The following DNAH9 variants were observed in gnomAD, a reference collection of about 807,000 sequenced individuals.
DNAH9 encodes DNAH9 variant protein.
DNAH9 carries 345 observed loss-of-function variants against 471.6 expected under a neutral mutation model. The observed-to-expected ratio is 0.73, with a 90% confidence interval of 0.67 to 0.80. DNAH9 has a LOEUF of 0.80. DNAH9 is among the 30% of genes least tolerant of loss of function. The pLI is 0.00. For missense variants in DNAH9, 5,407 were observed against 5,609.2 expected (o/e 0.96, Z 1.15); for synonymous variants, 2,093 against 2,123.6 (o/e 0.99, Z 0.40).
chr17:11,903,009 A>G (rs1035242085), intron 60 of DNAH9, 97 bp downstream of exon 60: 2 of 1,340,084 alleles, frequency 1.5e-6, no homozygotes. Context: ...AGCCATGTGT[A>G]TATAGTAGTT....
intron 49 of DNAH9, among the ~76,000 whole-genome samples, chr17:11,847,328 T>A (rs1215486542): frequency 6.6e-6 from 1 of 152,222 alleles, no homozygotes; most frequent in African/African-American, 2.4e-5. Flanking sequence ...CTTCTTGGGT[T>A]TTTATAATTT....
intron 19 of DNAH9, among the ~76,000 whole-genome samples, chr17:11,681,481 C>A (rs1007899713): frequency 2.0e-5 from 3 of 152,142 alleles, no homozygotes; most frequent in Non-Finnish European, 4.4e-5. Context: ...CGTGGTGAAG[C>A]GGTCTGCTTC....
intron 56 of DNAH9, among the ~76,000 whole-genome samples, chr17:11,884,014 C>G (rs752355287): frequency 6.6e-5 from 10 of 152,134 alleles, no homozygotes; most frequent in Non-Finnish European, 1.2e-4. Context: ...AACACTTAAG[C>G]CTTTGTGGGG....
chr17:11,620,431 G>C (rs1441564396), intron 6 of DNAH9, among the ~76,000 whole-genome samples: 1 of 145,708 alleles, frequency 6.9e-6, no homozygotes, highest in African/African-American at 2.5e-5. Context: ...AGAATTTCTT[G>C]AACTCGGAAG....
At chr17:11,874,184 G>T (rs1022667154) in intron 52 of DNAH9, among the ~76,000 whole-genome samples, 4 of 150,038 alleles carry the variant, frequency 2.7e-5, no homozygotes, top group African/African-American at 7.4e-5. Flanking sequence ...GGTGGAGTTT[G>T]CATGGAGCTG....
At chr17:11,694,761 C>T (rs372748174) in intron 22 of DNAH9, among the ~76,000 whole-genome samples, 40 of 2,770 alleles carry the variant, frequency 0.014, 9 homozygotes, top group Non-Finnish European at 0.021. Context: ...TCCTTCCTTC[C>T]TTCCTTCCTT....
At chr17:11,612,164 G>T in intron 4 of DNAH9, 1 of 495,134 alleles carries the variant, frequency 2.0e-6, no homozygotes, top group South Asian at 2.3e-5. Context: ...CTGGGGCCAG[G>T]ACATACAGTT....
chr17:11,754,799 C>G (rs1967305615), intron 33 of DNAH9, among the ~76,000 whole-genome samples: 1 of 152,068 alleles, frequency 6.6e-6, no homozygotes, highest in African/African-American at 2.4e-5. Context: ...CTCTATTGAT[C>G]ATTTCTTTTG....
intron 29 of DNAH9, 60 bp downstream of exon 29, chr17:11,739,097 A>C: frequency 1.4e-6 from 2 of 1,470,518 alleles, no homozygotes; most frequent in South Asian, 2.6e-5. Flanking sequence ...TCATTTTTCC[A>C]CTTAAAATGT....
intron 22 of DNAH9, 146 bp from the exon 23 acceptor site, chr17:11,699,585 A>G (rs2150770454): frequency 1.5e-6 from 1 of 680,666 alleles, no homozygotes; most frequent in African/African-American, 1.8e-5. Context: ...TCACATCAGC[A>G]TTGTTCCCAC....
At chr17:11,664,637 C>T (rs904464216) in intron 14 of DNAH9, among the ~76,000 whole-genome samples, 196 bp from the exon 15 acceptor site, 4 of 152,144 alleles carry the variant, frequency 2.6e-5, no homozygotes, top group Non-Finnish European at 4.4e-5. Context: ...CCTATATTAC[C>T]GTCATGGACT....
chr17:11,912,123 T>C (rs145125949), intron 61 of DNAH9, among the ~76,000 whole-genome samples: 8,500 of 152,216 alleles, frequency 0.056, 362 homozygotes, highest in East Asian at 0.2. Flanking sequence ...GTTCAAGCAA[T>C]TCTCCTGCCT....
At chr17:11,729,920 A>G (rs1302536973) in intron 28 of DNAH9, among the ~76,000 whole-genome samples, 1 of 152,172 alleles carries the variant, frequency 6.6e-6, no homozygotes, top group Non-Finnish European at 1.5e-5. Context: ...TGCCACCTTC[A>G]TCTCCAGCTG....
At chr17:11,717,304 G>A (rs1323543021) in intron 26 of DNAH9, among the ~76,000 whole-genome samples, 12 of 152,088 alleles carry the variant, frequency 7.9e-5, no homozygotes, top group African/African-American at 2.9e-4. Flanking sequence ...AGGCTGAGGT[G>A]GGTGGATCAC....
intron 28 of DNAH9, among the ~76,000 whole-genome samples, chr17:11,731,163 TATA>T (rs961613524): frequency 1.0e-4 from 15 of 147,168 alleles, no homozygotes; most frequent in African/African-American, 3.8e-4. Flanking sequence ...TGGCAGTGAT[TATA>T]ATGTTAACAA....
At chr17:11,666,844 G>C (rs1390525173) in intron 15 of DNAH9, among the ~76,000 whole-genome samples, 4 of 152,218 alleles carry the variant, frequency 2.6e-5, no homozygotes, top group Non-Finnish European at 5.9e-5. Context: ...GAGGGGAGTA[G>C]ACTTCTTTGA....
intron 4 of DNAH9, among the ~76,000 whole-genome samples, chr17:11,615,991 C>T (rs1010617950): frequency 1.3e-5 from 2 of 152,124 alleles, no homozygotes; most frequent in Non-Finnish European, 2.9e-5. Flanking sequence ...GCAAAAAATT[C>T]GATTCACATA....
At chr17:11,714,831 C>A (rs1431750933) in intron 26 of DNAH9, among the ~76,000 whole-genome samples, 1 of 152,078 alleles carries the variant, frequency 6.6e-6, no homozygotes, top group East Asian at 1.9e-4. Flanking sequence ...GCTGAGAGAT[C>A]CCCTGGCCAA....
At chr17:11,757,745 T>C (rs964106485) in intron 35 of DNAH9, 53 bp downstream of exon 35, 10 of 1,582,730 alleles carry the variant, frequency 6.3e-6, no homozygotes, top group Non-Finnish European at 8.6e-6. Context: ...AAAAAGCCCA[T>C]GGGTTCACAC....
Sources: allele counts gnomAD v4.1 joint callset (sites outside exome capture counted in the v4.1 genomes callset), GRCh38; gene constraint gnomAD v4.1.1; transcripts MANE v1.5; gene names NCBI Gene and HGNC (gene_info 2026-07-23, HGNC 2026-07-21).